Variants in TULP4 observed in about 807,000 individuals in gnomAD.
TULP4 encodes TUB like protein 4.
In TULP4, 16 loss-of-function variants were observed where a neutral mutation model predicts 129.0. That is an observed-to-expected ratio of 0.12 (90% CI 0.08 to 0.19). The LOEUF (loss-of-function observed/expected upper bound fraction) is 0.19. Among genes scored for constraint, TULP4 ranks in the 10% least tolerant of loss-of-function variants. The probability of loss-of-function intolerance (pLI) is 1.00; values close to 1 mark genes in which losing one functional copy is unlikely to be tolerated. For synonymous variants in TULP4, 998 were observed against 854.0 expected, an observed-to-expected ratio of 1.17 and a Z score of -2.94; for missense variants, 1,842 against 2,059.1, an observed-to-expected ratio of 0.89 and a Z score of 2.04.
chr6:158,388,653 G>GA (rs11424136), intron 1 of TULP4, among the ~76,000 whole-genome samples: 94,945 of 142,278 alleles, frequency 0.67, 31,423 homozygotes, highest in Middle Eastern at 0.74. Context: ...TTTTCTAATG[G>GA]AAAAAAAAAA....
At chr6:158,491,420 TCTTTCTTTCTTTCTTTCTTTC>T (rs1780198072) in intron 9 of TULP4, among the ~76,000 whole-genome samples, 1 of 32,908 alleles carries the variant, frequency 3.0e-5, no homozygotes, top group African/African-American at 1.2e-4. Context: ...TTTCTTTCTT[TCTTTCTTTCTTTCTTTCTTTC>T]TTTTCTTTCT....
At chr6:158,283,658 A>G (rs924309536) in intron 1 of TULP4, among the ~76,000 whole-genome samples, 7 of 152,362 alleles carry the variant, frequency 4.6e-5, no homozygotes, top group African/African-American at 1.4e-4. Flanking sequence ...ACCAGTAAAT[A>G]GAATCATTAT....
Position 158,503,845 on chromosome 6 carries a change from G to A in TULP4, c.4182G>A (p.Lys1394=). Residue 1394 remains lysine, a synonymous_variant, in exon 13 of 14, where the codon AAG becomes AAA. Coordinates refer to ENST00000367097, the MANE Select transcript of TULP4 (RefSeq NM_020245.5). This position sits in a 1 kb window ranked among gnomAD's most constrained non-coding sequence, Gnocchi z 4.3. The part of the protein sequence containing the change: ...VKSQKDQLKS[K]KLNKTNEFQD... ...GTCAGAAAGACCAACTGAAGTCAAA[G>A]AAGTTGAATAAGACAAACGAGTTCC... 6.2e-7 allele frequency: 1 copy of A among 1,614,146 alleles called. No individual in the cohort carries two copies. The highest frequency in any genetic ancestry group is 8.5e-7 in the Non-Finnish European group (1 of 1,180,046).
At chr6:158,282,782 G>C (rs1486543823) in intron 1 of TULP4, 4 of 152,000 alleles carry the variant, frequency 2.6e-5, no homozygotes, top group Non-Finnish European at 5.9e-5. Flanking sequence ...TGAACCCCAT[G>C]TCATGGTAAC....
chr6:158,346,126 C>T (rs900322265), intron 1 of TULP4, among the ~76,000 whole-genome samples: 9 of 152,130 alleles, frequency 5.9e-5, no homozygotes, highest in African/African-American at 1.9e-4. Flanking sequence ...TGCTGTTATT[C>T]TGTTCTTTTT....
At chr6:158,431,626 C>G (rs1451412113) in intron 3 of TULP4, among the ~76,000 whole-genome samples, 1 of 152,102 alleles carries the variant, frequency 6.6e-6, no homozygotes, top group Non-Finnish European at 1.5e-5. Context: ...GAGGACTTCC[C>G]AGGAAGGGCT....
chr6:158,389,965 G>T (rs977761790), intron 1 of TULP4, among the ~76,000 whole-genome samples: 1 of 152,020 alleles, frequency 6.6e-6, no homozygotes, highest in South Asian at 2.1e-4. Flanking sequence ...ATAAAAGTTA[G>T]CCGGGTGTGG....
At chr6:158,334,036 T>C (rs904501834) in intron 1 of TULP4, among the ~76,000 whole-genome samples, 4 of 152,198 alleles carry the variant, frequency 2.6e-5, no homozygotes, top group Non-Finnish European at 4.4e-5. Flanking sequence ...GCTTAAAATA[T>C]TGTGTGATGC....
At chr6:158,316,083 A>G (rs1208864478) in intron 1 of TULP4, among the ~76,000 whole-genome samples, 2 of 152,096 alleles carry the variant, frequency 1.3e-5, no homozygotes, top group African/African-American at 4.8e-5. Flanking sequence ...CTTTCACTCA[A>G]CGTGATGTCT....
At chr6:158,421,545 A>G (rs1159740758) in intron 2 of TULP4, among the ~76,000 whole-genome samples, 1 of 152,176 alleles carries the variant, frequency 6.6e-6, no homozygotes. Context: ...GTGCAGCCCA[A>G]AGTTCTTTTG....
At chr6:158,234,489 T>C (rs1162922455) in intron 1 of TULP4, among the ~76,000 whole-genome samples, 2 of 152,240 alleles carry the variant, frequency 1.3e-5, no homozygotes, top group East Asian at 3.8e-4. Flanking sequence ...GTGGCTACCA[T>C]GTGCATGGCT....
At chr6:158,391,144 C>T (rs959025731) in intron 1 of TULP4, among the ~76,000 whole-genome samples, 2 of 152,114 alleles carry the variant, frequency 1.3e-5, no homozygotes, top group African/African-American at 4.8e-5. Context: ...AGTCGAATGA[C>T]ACAACTTTAA....
Position 158,481,291 on chromosome 6 carries a change from T to G in TULP4, c.1486+2T>G. 1 of 1,612,248 alleles carries G rather than the reference T, an allele frequency of 6.2e-7. No individual in the cohort carries two copies. Among genetic ancestry groups the G allele is most frequent in the Non-Finnish European group, 8.5e-7 (1 of 1,179,148 alleles). On this transcript the variant is annotated splice_donor_variant, in intron 8 of 13. Transcript: ENST00000367097. LOFTEE classifies it high-confidence loss of function. ...ACCCGCGGACAGATAGCAAACCAGGTGGGCCCCTCACCCGAGGGACTGGGA... is the reference window on the plus strand; with the variant it reads ...ACCCGCGGACAGATAGCAAACCAGGGGGGCCCCTCACCCGAGGGACTGGGA...
chr6:158,258,290 C>T (rs1778285944), intron 1 of TULP4, among the ~76,000 whole-genome samples: 1 of 152,220 alleles, frequency 6.6e-6, no homozygotes, highest in South Asian at 2.1e-4. Context: ...TGCCTCTTTT[C>T]CAGCTGTCCA....
intron 6 of TULP4, among the ~76,000 whole-genome samples, chr6:158,477,904 CA>C (rs951648527): frequency 6.6e-6 from 1 of 152,198 alleles, no homozygotes; most frequent in Non-Finnish European, 1.5e-5. Context: ...GATACATAAA[CA>C]CCATGGAATA....
Position 158,481,255 on chromosome 6 carries a change from C to T in TULP4, c.1452C>T (p.Phe484=), listed in dbSNP as rs757041261. The change falls in exon 8 of 14, where the codon TTC becomes TTT. Residue 484 remains phenylalanine, a synonymous_variant. Transcript: ENST00000367097. ...GCATCAGCAAGCTGCGGCCAGAGTT[C>T]GTCATCATGGACCCGCGGACAGATA... ...GRRISKLRPE[F]VIMDPRTDSK... The T allele has an allele frequency of 6.2e-6, 10 of 1,614,034 alleles. No individual in the cohort carries two copies. Among genetic ancestry groups the T allele is most frequent in the South Asian group, 4.4e-5 (4 of 91,082 alleles).
intron 1 of TULP4, among the ~76,000 whole-genome samples, chr6:158,332,147 G>C (rs2114717903): frequency 1.5e-5 from 2 of 134,400 alleles, no homozygotes; most frequent in Middle Eastern, 4.9e-3. Flanking sequence ...ACTTCAGCCT[G>C]GTCGACAGAG....
intron 10 of TULP4, among the ~76,000 whole-genome samples, chr6:158,494,395 T>C (rs955717570): frequency 6.6e-6 from 1 of 152,186 alleles, no homozygotes; most frequent in Non-Finnish European, 1.5e-5. Context: ...AAATGATGGG[T>C]AGTTTCAGGA....
intron 1 of TULP4, among the ~76,000 whole-genome samples, chr6:158,372,146 A>G (rs893916679): frequency 1.6e-5 from 2 of 124,658 alleles, no homozygotes; most frequent in African/African-American, 6.1e-5. Flanking sequence ...TTTTTTTAAT[A>G]CAATTCCATT....
Sources: gnomAD v4.1 joint callset for allele counts (sites outside exome capture counted in the v4.1 genomes callset) on GRCh38, gnomAD v4.1.1 for gene constraint, Gnocchi (gnomAD v3.1) non-coding constraint, MANE v1.5 for transcripts, NCBI Gene and HGNC (gene_info 2026-07-23, HGNC 2026-07-21) for gene names.